The following USP43 variants were observed in gnomAD, a reference collection of about 807,000 sequenced individuals.
USP43 encodes the protein ubiquitin specific peptidase 43, also known as ubiquitin carboxyl-terminal hydrolase 43.
In USP43, 33 loss-of-function variants were observed where a neutral mutation model predicts 90.7. That is an observed-to-expected ratio of 0.36 (90% CI 0.28 to 0.49). The LOEUF is 0.49. USP43 is among the 20% of genes least tolerant of loss of function. The pLI, the probability that USP43 is intolerant of heterozygous loss-of-function variation, is 0.98. For synonymous variants in USP43, 598 were observed against 615.8 expected (o/e 0.97, Z 0.43); for missense variants, 1,274 against 1,476.4 (o/e 0.86, Z 2.25).
intron 2 of USP43, among the ~76,000 whole-genome samples, chr17:9,664,916 C>T (rs1040649359): frequency 5.9e-5 from 9 of 152,134 alleles, no homozygotes; most frequent in African/African-American, 1.9e-4. Context: ...GGATTACAGG[C>T]GTGAGCCAGC....
intron 12 of USP43, among the ~76,000 whole-genome samples, chr17:9,706,734 C>A (rs1315074317): frequency 1.3e-5 from 2 of 148,852 alleles, no homozygotes; most frequent in Non-Finnish European, 3.0e-5. Flanking sequence ...ACCTCTGCCT[C>A]CCGGGTTCTA....
Position 9,701,423 on chromosome 17 carries a change from G to T in USP43, c.1734G>T (p.Leu578Phe). The T allele has an allele frequency of 6.2e-7, 1 of 1,602,716 alleles. No homozygotes were observed. Among genetic ancestry groups the T allele is most frequent in the Admixed American group, 1.7e-5 (1 of 58,286 alleles). ...AGCAGGGGATGGTGAAGCTGAGTTT[G>T]TGGACGCTGCCTGACATCCTCATCA... ...VLQQGMVKLSLWTLPDILIIH... is the reference protein window; with the variant it reads ...VLQQGMVKLSFWTLPDILIIH... The change falls in exon 12 of 15, where the codon TTG becomes TTT. Residue 578 changes from leucine to phenylalanine, a missense_variant. By Grantham distance (22) the Leu-to-Phe change is conservative. Transcript: ENST00000285199. The surrounding 1 kb of genome is among the most constrained non-coding windows in gnomAD (Gnocchi z 7.2).
chr17:9,672,544 A>G (rs1254399203), intron 3 of USP43, among the ~76,000 whole-genome samples: 1 of 152,206 alleles, frequency 6.6e-6, no homozygotes, highest in Non-Finnish European at 1.5e-5. Context: ...GAATTTGGGA[A>G]TTTCCCAATG....
chr17:9,718,157 C>A (rs939131542), intron 14 of USP43, among the ~76,000 whole-genome samples: 2 of 151,958 alleles, frequency 1.3e-5, no homozygotes, highest in African/African-American at 4.8e-5. Flanking sequence ...AGAAGTTTGG[C>A]GATGCTTTTG....
intron 1 of USP43, among the ~76,000 whole-genome samples, chr17:9,652,212 C>CAAAAAAAAAAA (rs769295315): frequency 1.0e-3 from 43 of 42,676 alleles, no homozygotes; most frequent in African/African-American, 3.6e-3. Flanking sequence ...GCCCTTAGCG[C>CAAAAAAAAAAA]AAAAAAAAAA....
intron 8 of USP43, 109 bp downstream of exon 8, chr17:9,687,018 A>C: frequency 1.1e-6 from 1 of 941,838 alleles, no homozygotes. Flanking sequence ...CCAGGAGAGG[A>C]TAATTTGCTG....
chr17:9,727,882 A>G (rs1917352292), intron 14 of USP43, 72 bp from the exon 15 acceptor site: 2 of 1,501,250 alleles, frequency 1.3e-6, no homozygotes, highest in Non-Finnish European at 1.8e-6. Flanking sequence ...AGAGGTGCTC[A>G]GTGAACGTTA....
intron 9 of USP43, among the ~76,000 whole-genome samples, chr17:9,699,191 A>G (rs2151986943): frequency 6.6e-6 from 1 of 152,328 alleles, no homozygotes; most frequent in South Asian, 2.1e-4. Context: ...CAATCCCACC[A>G]ATCAGATAAG....
At chr17:9,716,809 A>G (rs1916594541) in intron 14 of USP43, among the ~76,000 whole-genome samples, 1 of 152,188 alleles carries the variant, frequency 6.6e-6, no homozygotes, top group Non-Finnish European at 1.5e-5. Flanking sequence ...AATGTCTGCT[A>G]CTTGACAAAT....
intron 1 of USP43, chr17:9,647,061 C>CAAAAAAAAAAAAAAAAAAAAAAAAAA (rs11305216): frequency 5.0e-5 from 4 of 79,814 alleles, no homozygotes; most frequent in East Asian, 4.3e-4. Context: ...TTGCTTCCTG[C>CAAAAAAAAAAAAAAAAAAAAAAAAAA]AAAAAAAAAA....
Position 9,676,802 on chromosome 17 carries a change from G to A in USP43, c.890G>A (p.Gly297Asp), listed in dbSNP as rs751312963. The A allele has an allele frequency of 7.4e-6, 12 of 1,613,856 alleles. No homozygotes were observed. Residue 297 changes from glycine to aspartate, a missense_variant, in exon 5 of 15, where the codon GGC (glycine) becomes GAC (aspartate). By Grantham distance (94) the Gly-to-Asp change is moderately conservative (BLOSUM62 -1). Coordinates refer to ENST00000285199, the MANE Select transcript of USP43 (RefSeq NM_153210.5). ...AAGAGCCAGCGGTTCCTGCGGGTTG[G>A]CCTGGCCGTGCCGATCCTCAGCACA... is the stretch of plus-strand genomic sequence containing the variant. ...PSKSQRFLRV[G>D]LAVPILSTVA...
chr17:9,667,856 T>C (rs773908354), intron 3 of USP43, among the ~76,000 whole-genome samples: 4 of 152,200 alleles, frequency 2.6e-5, no homozygotes, highest in African/African-American at 4.8e-5. Flanking sequence ...TATATGTGTG[T>C]GTGTGTCTAT....
intron 14 of USP43, among the ~76,000 whole-genome samples, chr17:9,718,969 A>T (rs979234139): frequency 1.1e-4 from 16 of 151,918 alleles, no homozygotes; most frequent in Non-Finnish European, 1.3e-4. Flanking sequence ...GCACATTTAA[A>T]ATAGTGTCTA....
intron 1 of USP43, among the ~76,000 whole-genome samples, chr17:9,648,938 C>CCTCTCTTTCTCTCTCTCTCTCTCT (rs1458953870): frequency 1.6e-4 from 21 of 129,892 alleles, no homozygotes; most frequent in African/African-American, 6.3e-4. Context: ...TGTCTCTCTC[C>CCTCTCTTTCTCTCTCTCTCTCTCT]CTCTCTCTCT....
intron 9 of USP43, among the ~76,000 whole-genome samples, chr17:9,699,178 C>T (rs1371919394): frequency 6.6e-6 from 1 of 152,216 alleles, no homozygotes; most frequent in Non-Finnish European, 1.5e-5. Flanking sequence ...CCACCTTCTT[C>T]TACAATCCCA....
At chr17:9,726,777 G>A (rs1279006788) in intron 14 of USP43, among the ~76,000 whole-genome samples, 1 of 152,136 alleles carries the variant, frequency 6.6e-6, no homozygotes, top group African/African-American at 2.4e-5. Context: ...GGCCACCCGT[G>A]GGGCAGACTT....
rs759865937 is a variant in USP43, at chr17:9,686,771, G to A, written c.1242-27G>A. The A allele has an allele frequency of 8.1e-6, 13 of 1,606,636 alleles. No homozygotes were observed. Among genetic ancestry groups the A allele is most frequent in the Non-Finnish European group, 1.1e-5 (13 of 1,174,494 alleles). ...ATGTTGCTGGTTTTTCCTTTGCTGG[G>A]ATAACCCGATTTCCTTGGATTTTCA... On this transcript the variant is annotated intron_variant, in intron 7 of 14. Coordinates refer to ENST00000285199, the MANE Select transcript of USP43 (RefSeq NM_153210.5). This position sits in a 1 kb window ranked among gnomAD's most constrained non-coding sequence, Gnocchi z 5.5.
At chr17:9,681,876 C>T (rs1166785726) in intron 6 of USP43, among the ~76,000 whole-genome samples, 1 of 152,104 alleles carries the variant, frequency 6.6e-6, no homozygotes, top group African/African-American at 2.4e-5. Flanking sequence ...ACATTTTGGC[C>T]AGCCTAGGTA....
At position 9,674,198 on chromosome 17, in the gene USP43, G is replaced by A. The variant is rs553380580; in HGVS notation, c.741-693G>A. On this transcript the variant is annotated intron_variant, in intron 3 of 14. Coordinates refer to ENST00000285199, the MANE Select transcript of USP43 (RefSeq NM_153210.5). The surrounding 1 kb of genome is among the most constrained non-coding windows in gnomAD (Gnocchi z 4.4). ...CATGCTGGGTTTGTATGGCAGGGGC[G>A]GGTTATAGCTTCCCTTCCCATACTC... is the stretch of plus-strand genomic sequence containing the variant. Among the ~76,000 whole-genome samples, 3 of 151,970 alleles carry A rather than the reference G, an allele frequency of 2.0e-5. No individual in the cohort carries two copies. The highest frequency in any genetic ancestry group is 4.2e-4 in the South Asian group (2 of 4,806).
Sources: allele counts gnomAD v4.1 joint callset (sites outside exome capture counted in the v4.1 genomes callset), GRCh38; gene constraint gnomAD v4.1.1; non-coding constraint Gnocchi (gnomAD v3.1); transcripts MANE v1.5; gene names NCBI Gene and HGNC (gene_info 2026-07-23, HGNC 2026-07-21).